The following NRG1 variants were observed in gnomAD, a reference collection of about 807,000 sequenced individuals.
NRG1 encodes the protein pro-neuregulin-1, membrane-bound isoform.
A neutral mutation model predicts 63.8 loss-of-function variants in NRG1; 18 were observed. The observed-to-expected ratio is 0.28, with a 90% CI of 0.19 to 0.42. The LOEUF (loss-of-function observed/expected upper bound fraction) is 0.42, where lower values mean the gene tolerates loss of function less well. Ranked by LOEUF, NRG1 falls within the 10% of genes least tolerant of loss-of-function variation. NRG1 has a pLI of 1.00. For synonymous variants in NRG1, 302 were observed against 301.3 expected, an observed-to-expected ratio of 1.00 and a Z score of -0.02; for missense variants, 762 against 814.7, an observed-to-expected ratio of 0.94 and a Z score of 0.79.
intron 1 of NRG1, among the ~76,000 whole-genome samples, chr8:31,857,392 C>T (rs990318647): frequency 3.9e-5 from 6 of 152,218 alleles, no homozygotes; most frequent in African/African-American, 1.4e-4. Context: ...CCGTCTGTCA[C>T]CCCTTTCTTT....
chr8:31,893,574 T>TA (rs1208491687), intron 1 of NRG1, among the ~76,000 whole-genome samples: 3 of 151,384 alleles, frequency 2.0e-5, no homozygotes, highest in African/African-American at 4.8e-5. Context: ...ATATAAATAA[T>TA]AAAAAAATCA....
At position 32,664,833 on chromosome 8, in the gene NRG1, A is replaced by T. The variant is rs530412088; in HGVS notation, c.502+47948A>T. 7.9e-5 allele frequency among the ~76,000 whole-genome samples: 12 copies of T among 152,236 alleles called. No homozygotes were observed. The South Asian group carries it at 2.3e-3, about 29-fold the overall frequency. On this transcript the variant is annotated intron_variant, in intron 5 of 11. Transcript: ENST00000356819. Reference sequence around the variant, plus strand: ...TAGATTAATGAATCTCTGAGTGACAACCTCATACATTTATTCAACATGTAT... The same window carrying T: ...TAGATTAATGAATCTCTGAGTGACATCCTCATACATTTATTCAACATGTAT...
chr8:32,724,058 G>A (rs1038634027), intron 5 of NRG1, among the ~76,000 whole-genome samples: 3 of 152,182 alleles, frequency 2.0e-5, no homozygotes, highest in African/African-American at 7.2e-5. Context: ...AATTACTTTT[G>A]CACCAACCTA....
chr8:31,744,790 G>T (rs1815680331), intron 1 of NRG1, among the ~76,000 whole-genome samples: 1 of 151,840 alleles, frequency 6.6e-6, no homozygotes, highest in Non-Finnish European at 1.5e-5. Context: ...ATAATTTTTG[G>T]TATTTTCCTT....
intron 6 of NRG1, 45 bp from the exon 7 acceptor site, chr8:32,741,963 T>G: frequency 6.7e-7 from 1 of 1,494,732 alleles, no homozygotes; most frequent in Non-Finnish European, 9.3e-7. Flanking sequence ...GAAAGCTCAG[T>G]GTCTTTAGCA....
At chr8:31,649,896 T>C (rs1302785291) in intron 1 of NRG1, among the ~76,000 whole-genome samples, 1 of 152,226 alleles carries the variant, frequency 6.6e-6, no homozygotes, top group Non-Finnish European at 1.5e-5. Context: ...ACCCCAGCAA[T>C]TTCCCTGTCT....
At chr8:31,823,302 G>A (rs1039393475) in intron 1 of NRG1, among the ~76,000 whole-genome samples, 3 of 151,852 alleles carry the variant, frequency 2.0e-5, no homozygotes, top group Non-Finnish European at 4.4e-5. Context: ...TACTGCTATC[G>A]CAACATCAAG....
At chr8:32,068,572 T>G (rs1825256529) in intron 1 of NRG1, among the ~76,000 whole-genome samples, 1 of 152,152 alleles carries the variant, frequency 6.6e-6, no homozygotes, top group Non-Finnish European at 1.5e-5. Context: ...AGTGATGCAG[T>G]ACTTCCATCC....
intron 1 of NRG1, among the ~76,000 whole-genome samples, chr8:31,846,051 G>A (rs1586774981): frequency 6.6e-6 from 1 of 152,154 alleles, no homozygotes; most frequent in South Asian, 2.1e-4. Context: ...GGCTATAAAT[G>A]TGAGGTTTGA....
chr8:32,561,853 G>A (rs867329311), intron 1 of NRG1, among the ~76,000 whole-genome samples: 1 of 151,854 alleles, frequency 6.6e-6, no homozygotes, highest in African/African-American at 2.4e-5. Context: ...AGGGTTTTTG[G>A]GGGGTGGGGG....
intron 1 of NRG1, among the ~76,000 whole-genome samples, chr8:31,880,858 T>A (rs995310672): frequency 2.0e-5 from 3 of 152,178 alleles, no homozygotes; most frequent in Non-Finnish European, 4.4e-5. Context: ...TTTGACAGCA[T>A]AAATAATATT....
chr8:32,577,157 C>A (rs1839812906), intron 1 of NRG1, among the ~76,000 whole-genome samples: 1 of 152,200 alleles, frequency 6.6e-6, no homozygotes, highest in Non-Finnish European at 1.5e-5. Flanking sequence ...CAGTTTCATT[C>A]CTTTTTATGG....
rs138847091 is a variant in NRG1, at chr8:31,703,435, TA to T, written c.37+64007del. Among the ~76,000 whole-genome samples, 1,119 of 152,264 alleles carry T rather than the reference TA, an allele frequency of 7.3e-3. 45 individuals are homozygous for T. In the South Asian group the frequency reaches 0.12, roughly 16 times the overall value. ...ATATAAATTAAAGCTCACTTAAAAC[TA>T]AATTTATCAAGGAAATACATTTGTT... On this transcript the variant is annotated intron_variant, in intron 1 of 10. Transcript: ENST00000519301.
intron 1 of NRG1, among the ~76,000 whole-genome samples, chr8:32,583,871 G>A (rs1163290130): frequency 1.3e-5 from 2 of 152,162 alleles, no homozygotes; most frequent in African/African-American, 2.4e-5. Flanking sequence ...TAAGGAAAAC[G>A]ATATGTTGAC....
intron 1 of NRG1, among the ~76,000 whole-genome samples, chr8:32,446,665 A>AAT (rs1820286809): frequency 6.6e-6 from 1 of 151,640 alleles, no homozygotes; most frequent in Non-Finnish European, 1.5e-5. Context: ...AAAAACAAAA[A>AAT]AAAAAGGAAG....
chr8:31,780,585 T>G (rs1046351734), intron 1 of NRG1, among the ~76,000 whole-genome samples: 4 of 152,236 alleles, frequency 2.6e-5, no homozygotes, highest in African/African-American at 9.6e-5. Flanking sequence ...TCTATTGACC[T>G]GCGTTAGAAT....
intron 1 of NRG1, among the ~76,000 whole-genome samples, chr8:31,839,408 T>A (rs1354612184): frequency 6.6e-6 from 1 of 152,220 alleles, no homozygotes; most frequent in African/African-American, 2.4e-5. Context: ...TATTTGTGTG[T>A]ATGCTTGTGC....
Position 31,967,871 on chromosome 8 carries a change from A to G in NRG1, c.37+328440A>G, listed in dbSNP as rs895472789. 2.6e-5 allele frequency among the ~76,000 whole-genome samples: 4 copies of G among 152,294 alleles called. No individual in the cohort carries two copies. The East Asian group carries it at 7.7e-4, about 30-fold the overall frequency. On this transcript the variant is annotated intron_variant, in intron 1 of 10. Transcript: ENST00000519301. The stretch of plus-strand genomic sequence containing the variant: ...ATGGTACTAAAGTACCGTCTTGGAG[A>G]CACTGGTCATAGTTGTTAAAGCTTC...
At chr8:32,691,184 C>A (rs1025366238) in intron 5 of NRG1, among the ~76,000 whole-genome samples, 2 of 151,974 alleles carry the variant, frequency 1.3e-5, no homozygotes, top group African/African-American at 4.8e-5. Flanking sequence ...AATGGTGAAA[C>A]CCTGTCTCTA....
Sources: allele counts gnomAD v4.1 joint callset (sites outside exome capture counted in the v4.1 genomes callset), GRCh38; gene constraint gnomAD v4.1.1; transcripts MANE v1.5; gene names NCBI Gene and HGNC (gene_info 2026-07-23, HGNC 2026-07-21).